NCKAP5: variants seen among roughly 807,000 people sequenced by gnomAD.
NCKAP5 encodes the protein NCK associated protein 5, also known as nck-associated protein 5.
NCKAP5 carries 92 observed loss-of-function variants against 167.0 expected under a neutral mutation model. That is an observed-to-expected ratio of 0.55 (90% CI 0.47 to 0.66). The LOEUF is 0.66. NCKAP5 is among the 30% of genes least tolerant of loss of function. The pLI is 0.00. For missense variants in NCKAP5, 2,378 were observed against 2,315.0 expected, an observed-to-expected ratio of 1.03 and a Z score of -0.56; for synonymous variants, 891 against 877.4, an observed-to-expected ratio of 1.02 and a Z score of -0.27.
chr2:132,728,919 T>C lies in NCKAP5; in HGVS notation c.5477A>G (p.Glu1826Gly). 1 of 1,614,008 alleles carries C rather than the reference T, an allele frequency of 6.2e-7. No individual in the cohort carries two copies. Among genetic ancestry groups the C allele is most frequent in the Non-Finnish European group, 8.5e-7 (1 of 1,179,870 alleles). Residue 1826 changes from glutamate to glycine, a missense_variant, in exon 18 of 20, where the codon GAG (glutamate) becomes GGG (glycine). Glu to Gly is a moderately conservative substitution (Grantham distance 98). Coordinates refer to ENST00000409261, the MANE Select transcript of NCKAP5 (RefSeq NM_207363.3). Reference sequence around the variant, plus strand: ...TGATGAGCATGTCTGAGGCCTTGGCTCTGCTTCATTCTGCTTTTGGGAACT... The same window carrying C: ...TGATGAGCATGTCTGAGGCCTTGGCCCTGCTTCATTCTGCTTTTGGGAACT... Reference protein sequence around the residue: ...KVSSQKQNEAEPRPQTCSSFG... With the variant: ...KVSSQKQNEAGPRPQTCSSFG...
chr2:133,113,292 A>AT (rs1455795452), intron 6 of NCKAP5, among the ~76,000 whole-genome samples: 2 of 151,972 alleles, frequency 1.3e-5, no homozygotes, highest in African/African-American at 2.4e-5. Context: ...TGCTAAATAT[A>AT]TTTTGAGAGC....
rs1021027366 is a variant in NCKAP5 at position 133,489,099 on chromosome 2, G to A, written c.69+28359C>T. ...GGGAGACTCAATCTCAGAAAAAGTCGGCAGGTAGTTAAGGGGGACATAGTA... is the reference window on the plus strand; with the variant it reads ...GGGAGACTCAATCTCAGAAAAAGTCAGCAGGTAGTTAAGGGGGACATAGTA... On this transcript the variant is annotated intron_variant, in intron 3 of 19. Coordinates refer to ENST00000409261, the MANE Select transcript of NCKAP5 (RefSeq NM_207363.3). 3.3e-5 allele frequency among the ~76,000 whole-genome samples: 5 copies of A among 152,028 alleles called. No individual in the cohort carries two copies. The South Asian group carries it at 6.2e-4, about 19-fold the overall frequency.
At chr2:133,243,119 A>C (rs113999819) in intron 4 of NCKAP5, among the ~76,000 whole-genome samples, 3,965 of 152,254 alleles carry the variant, frequency 0.026, 166 homozygotes, top group African/African-American at 0.09. Flanking sequence ...TTTTTTAAAA[A>C]GGCTAGGAGC....
the NCKAP5 span, among the ~76,000 whole-genome samples, chr2:133,585,551 C>T: frequency 3.9e-5 from 6 of 152,228 alleles, no homozygotes; most frequent in Non-Finnish European, 8.8e-5. Flanking sequence ...ATGAACATCA[C>T]AAAATATCAT....
chr2:133,255,641 C>T (rs1437847089), intron 4 of NCKAP5, among the ~76,000 whole-genome samples: 1 of 152,118 alleles, frequency 6.6e-6, no homozygotes, highest in Non-Finnish European at 1.5e-5. Flanking sequence ...ACAAGATGTC[C>T]CATAAAGACA....
intron 5 of NCKAP5, among the ~76,000 whole-genome samples, chr2:133,147,754 AC>A (rs1381403943): frequency 1.5e-4 from 23 of 152,036 alleles, no homozygotes; most frequent in African/African-American, 5.3e-4. Flanking sequence ...TGTATGTGAA[AC>A]CCCAAAGGAT....
In NCKAP5 at chr2:132,749,700, A is replaced by T. The variant is rs192567621; in HGVS notation, c.5129-17649T>A. Among the ~76,000 whole-genome samples the T allele has an allele frequency of 8.7e-3, 1,287 of 148,466 alleles. 9 individuals are homozygous for T. The highest frequency in any genetic ancestry group is 0.015 in the South Asian group (69 of 4,694). On this transcript the variant is annotated intron_variant, in intron 16 of 19. Coordinates refer to ENST00000409261, the MANE Select transcript of NCKAP5 (RefSeq NM_207363.3). Reference sequence around the variant, plus strand: ...AAAGCAAGAGTGTTATAAAGGTAGCATTTTTTTTTTTACTTAAAATACATA... The same window carrying T: ...AAAGCAAGAGTGTTATAAAGGTAGCTTTTTTTTTTTTACTTAAAATACATA...
intron 8 of NCKAP5, among the ~76,000 whole-genome samples, chr2:132,893,018 A>G (rs1558909926): frequency 6.6e-6 from 1 of 150,744 alleles, no homozygotes; most frequent in Admixed American, 6.6e-5. Flanking sequence ...AAAAAAAACC[A>G]GAAAGGAAAA....
chr2:133,109,885 A>G (rs577938493), intron 6 of NCKAP5, among the ~76,000 whole-genome samples: 1 of 152,368 alleles, frequency 6.6e-6, no homozygotes, highest in Admixed American at 6.5e-5. Flanking sequence ...TGTACCAAGT[A>G]ATCGCAGAAA....
chr2:133,547,308 C>T (rs1004446493), intron 2 of NCKAP5, among the ~76,000 whole-genome samples: 4 of 152,176 alleles, frequency 2.6e-5, no homozygotes, highest in South Asian at 2.1e-4. Flanking sequence ...GGGAGGGGCA[C>T]CCGCCATTGC....
At position 132,963,812 on chromosome 2, in the gene NCKAP5, C is replaced by A. The variant is rs774120253; in HGVS notation, c.487G>T (p.Val163Leu). Residue 163 changes from valine to leucine, a missense_variant, in exon 8 of 20, where the codon GTG becomes TTG. This residue lies in a region of NCKAP5 where 1,049 missense variants were observed against 1,023.4 expected (regional missense o/e 1.02). Coordinates refer to ENST00000409261, the MANE Select transcript of NCKAP5 (RefSeq NM_207363.3). Reference protein sequence around the residue: ...HKEALEDLHMVVDEDSRSESS... With the variant: ...HKEALEDLHMLVDEDSRSESS... ...TCACTCCTCGAATCCTCATCAACCACCATGTGAAGATCTTCCAAAGCTTCC... is the reference window on the plus strand; with the variant it reads ...TCACTCCTCGAATCCTCATCAACCAACATGTGAAGATCTTCCAAAGCTTCC... 7 of 1,613,812 alleles carry A rather than the reference C, an allele frequency of 4.3e-6. No individual in the cohort carries two copies. The East Asian group carries it at 1.6e-4, about 36-fold the overall frequency.
chr2:132,970,080 C>T (rs539788132), intron 7 of NCKAP5, among the ~76,000 whole-genome samples: 2 of 152,192 alleles, frequency 1.3e-5, no homozygotes, highest in South Asian at 2.1e-4. Context: ...CGGAGAGAAA[C>T]GTGGCTATAC....
At chr2:132,958,619 T>G (rs2076412060) in intron 8 of NCKAP5, among the ~76,000 whole-genome samples, 1 of 152,232 alleles carries the variant, frequency 6.6e-6, no homozygotes, top group African/African-American at 2.4e-5. Flanking sequence ...TTCCATTTTT[T>G]AAATCTTGTA....
intron 17 of NCKAP5, among the ~76,000 whole-genome samples, chr2:132,729,759 T>C (rs1389198965): frequency 1.3e-5 from 2 of 152,212 alleles, no homozygotes; most frequent in African/African-American, 2.4e-5. Context: ...GGAGAATTGC[T>C]GTCATTATCC....
intron 8 of NCKAP5, among the ~76,000 whole-genome samples, chr2:132,891,197 G>A (rs888334153): frequency 4.7e-4 from 71 of 152,302 alleles, no homozygotes; most frequent in African/African-American, 1.5e-3. Flanking sequence ...CCAGTGGTTG[G>A]AAACTTGAGT....
chr2:133,239,158 C>A (rs1332739445), intron 4 of NCKAP5, among the ~76,000 whole-genome samples: 1 of 152,168 alleles, frequency 6.6e-6, no homozygotes, highest in East Asian at 1.9e-4. Flanking sequence ...GTGCTGGCAT[C>A]TTCTAAAATA....
At chr2:133,562,428 G>A (rs537973134) in intron 1 of NCKAP5, among the ~76,000 whole-genome samples, 6 of 152,288 alleles carry the variant, frequency 3.9e-5, no homozygotes, top group African/African-American at 1.4e-4. Context: ...GAAACCATTT[G>A]AGAAATGCCT....
intron 8 of NCKAP5, among the ~76,000 whole-genome samples, chr2:132,907,905 C>T (rs1046240315): frequency 3.3e-5 from 5 of 152,128 alleles, no homozygotes; most frequent in Admixed American, 2.0e-4. Flanking sequence ...GATCCTCCTG[C>T]CTCATCCTCC....
chr2:133,129,203 T>C (rs2082509250), intron 6 of NCKAP5, among the ~76,000 whole-genome samples: 1 of 151,906 alleles, frequency 6.6e-6, no homozygotes, highest in South Asian at 2.1e-4. Flanking sequence ...CATTAACTCG[T>C]CATTTAGCAT....
Sources: allele counts gnomAD v4.1 joint callset (sites outside exome capture counted in the v4.1 genomes callset), GRCh38; gene constraint gnomAD v4.1.1; regional missense constraint gnomAD v4.1.1; transcripts MANE v1.5; gene names NCBI Gene and HGNC (gene_info 2026-07-23, HGNC 2026-07-21).